Variants in NR3C1 observed in about 807,000 individuals in gnomAD.
The protein encoded by NR3C1 is nuclear receptor subfamily 3 group C member 1.
A neutral mutation model predicts 74.0 loss-of-function variants in NR3C1; 14 were observed. The ratio of observed to expected loss-of-function variants is 0.19; its 90% confidence interval spans 0.12 to 0.30. The LOEUF is 0.30. Ranked by LOEUF, NR3C1 falls within the 10% of genes least tolerant of loss-of-function variation. The pLI is 1.00. For missense variants in NR3C1, 695 were observed against 909.8 expected (o/e 0.76, Z 3.04); for synonymous variants, 308 against 332.5 (o/e 0.93, Z 0.80).
At chr5:143,407,627 T>C (rs1195766831), upstream of NR3C1, among the ~76,000 whole-genome samples, 4 of 152,244 alleles carry the variant, frequency 2.6e-5, no homozygotes, top group Admixed American at 2.6e-4. Context: ...ATGAAGATAA[T>C]ATATGGTCTT....
intron 2 of NR3C1, among the ~76,000 whole-genome samples, chr5:143,367,913 A>C (rs1833542147): frequency 1.3e-5 from 2 of 152,196 alleles, no homozygotes; most frequent in Non-Finnish European, 2.9e-5. Context: ...AATTCATATG[A>C]GTTTGCAACG....
Position 143,425,061 on chromosome 5 carries a change from G to A in NR3C1, c.-14+9471C>T, listed in dbSNP as rs929724125. ...ATGAGGATAGGCATTCAGATCAGTCGGGTAGAATTGAGAGTCCAGAAACCC... is the reference window on the plus strand; with the variant it reads ...ATGAGGATAGGCATTCAGATCAGTCAGGTAGAATTGAGAGTCCAGAAACCC... On this transcript the variant is annotated intron_variant, in intron 1 of 8. Coordinates refer to the NR3C1 transcript ENST00000343796. Among the ~76,000 whole-genome samples, 7 of 152,106 alleles carry A rather than the reference G, an allele frequency of 4.6e-5. No individual in the cohort carries two copies. The East Asian group carries it at 9.6e-4, about 21-fold the overall frequency.
chr5:143,366,735 C>A (rs890553964), intron 2 of NR3C1, among the ~76,000 whole-genome samples: 1 of 152,062 alleles, frequency 6.6e-6, no homozygotes, highest in Non-Finnish European at 1.5e-5. Context: ...AATTCCTCAA[C>A]CAACTGTCAA....
intron 2 of NR3C1, among the ~76,000 whole-genome samples, chr5:143,367,972 ACT>A (rs1488091706): frequency 6.6e-6 from 1 of 152,152 alleles, no homozygotes; most frequent in African/African-American, 2.4e-5. Flanking sequence ...AAGTTGGAAG[ACT>A]CACATTTCCC....
At chr5:143,317,393 G>C (rs900638080) in intron 2 of NR3C1, among the ~76,000 whole-genome samples, 5 of 152,128 alleles carry the variant, frequency 3.3e-5, no homozygotes, top group Admixed American at 1.3e-4. Context: ...ATCTGTAATA[G>C]TTATTGATTG....
At chr5:143,395,589 A>G (rs1315231859) in intron 2 of NR3C1, among the ~76,000 whole-genome samples, 3 of 151,832 alleles carry the variant, frequency 2.0e-5, no homozygotes, top group Admixed American at 1.3e-4. Context: ...GCACAAACCT[A>G]TTTTGCTTAT....
At chr5:143,413,015 T>A (rs1841348068) in intron 1 of NR3C1, among the ~76,000 whole-genome samples, 1 of 152,206 alleles carries the variant, frequency 6.6e-6, no homozygotes, top group Non-Finnish European at 1.5e-5. Flanking sequence ...GAGAATTCCT[T>A]CAACAAAATA....
Position 143,354,940 on chromosome 5 carries a change from G to A in NR3C1, c.1185-40772C>T, listed in dbSNP as rs796892529. ...TCCGTCTCAAAAAAAAAAAAAAAAA[G>A]AAAAAATCAAAGATCACTGATCACT... On this transcript the variant is annotated intron_variant, in intron 2 of 8. Transcript: ENST00000394464. 6.9e-3 allele frequency among the ~76,000 whole-genome samples: 972 copies of A among 140,028 alleles called. 2 individuals carry two copies. The highest frequency in any genetic ancestry group is 0.022 in the East Asian group (105 of 4,790). The allele number at this position is 140,028 out of a possible 152,430, so 91.9% of individuals were successfully genotyped here.
chr5:143,393,053 G>A (rs2151920764), intron 2 of NR3C1, among the ~76,000 whole-genome samples: 1 of 152,236 alleles, frequency 6.6e-6, no homozygotes, highest in East Asian at 1.9e-4. Flanking sequence ...AAACTCTCAA[G>A]TTCTTTTAAG....
intron 2 of NR3C1, among the ~76,000 whole-genome samples, chr5:143,350,331 A>G (rs187415702): frequency 1.3e-5 from 2 of 152,190 alleles, no homozygotes; most frequent in African/African-American, 2.4e-5. Flanking sequence ...AGTTAAGAAT[A>G]TAAGTAGAAG....
intron 7 of NR3C1, among the ~76,000 whole-genome samples, chr5:143,283,345 T>A (rs537590209): frequency 1.3e-5 from 2 of 152,344 alleles, no homozygotes; most frequent in South Asian, 2.1e-4. Flanking sequence ...GTAAATCACT[T>A]GATTTCTCAT....
chr5:143,320,132 T>C (rs1367847010), intron 2 of NR3C1, among the ~76,000 whole-genome samples: 2 of 152,380 alleles, frequency 1.3e-5, no homozygotes, highest in Admixed American at 6.5e-5. Context: ...TGACTGCCCA[T>C]TTATCTCTGC....
intron 1 of NR3C1, among the ~76,000 whole-genome samples, chr5:143,431,825 C>G (rs1031255007): frequency 2.0e-5 from 3 of 152,140 alleles, no homozygotes; most frequent in African/African-American, 7.2e-5. Context: ...AGAATAATAA[C>G]TCTGTAAAAG....
chr5:143,327,840 G>A (rs573423519), intron 2 of NR3C1, among the ~76,000 whole-genome samples: 1 of 152,342 alleles, frequency 6.6e-6, no homozygotes, highest in East Asian at 1.9e-4. Context: ...TACCCCTGTG[G>A]CTTTCACAGG....
chr5:143,410,025 T>C (rs2151954680), intron 1 of NR3C1, among the ~76,000 whole-genome samples: 1 of 152,378 alleles, frequency 6.6e-6, no homozygotes, highest in Middle Eastern at 3.4e-3. Context: ...TATCAGCAGA[T>C]AAATGAGATA....
Position 143,279,202 on chromosome 5 carries a change from C to A in NR3C1, c.*2687G>T. On this transcript the variant is annotated 3_prime_UTR_variant, in exon 9 of 9. Transcript: ENST00000394464. Reference sequence around the variant, plus strand: ...ATAATTAAGATGACTTTCTTTTCCCCCACGTATCCTAAAAGGGCACAGCTT... The same window carrying A: ...ATAATTAAGATGACTTTCTTTTCCCACACGTATCCTAAAAGGGCACAGCTT... 1 of 739,182 alleles carries A rather than the reference C, an allele frequency of 1.4e-6. No individual in the cohort carries two copies. The highest frequency in any genetic ancestry group is 2.1e-6 in the Non-Finnish European group (1 of 472,576). 45.8% of individuals were successfully genotyped at this position (739,182 alleles called of 1,614,324 possible).
intron 2 of NR3C1, among the ~76,000 whole-genome samples, chr5:143,372,036 C>T (rs1218823824): frequency 6.6e-6 from 1 of 152,150 alleles, no homozygotes; most frequent in Non-Finnish European, 1.5e-5. Context: ...ACCTTAAATG[C>T]CTTTTTCCTT....
chr5:143,360,210 G>C (rs1375288518), intron 2 of NR3C1, among the ~76,000 whole-genome samples: 1 of 152,132 alleles, frequency 6.6e-6, no homozygotes, highest in African/African-American at 2.4e-5. Flanking sequence ...GTTTTTCATA[G>C]CACAGTATTT....
At chr5:143,409,781 T>C (rs1477706535) in intron 1 of NR3C1, among the ~76,000 whole-genome samples, 1 of 152,228 alleles carries the variant, frequency 6.6e-6, no homozygotes, top group Non-Finnish European at 1.5e-5. Context: ...TTGGTATTCC[T>C]CGTTGTAATT....
Sources: gnomAD v4.1 joint callset for allele counts (sites outside exome capture counted in the v4.1 genomes callset) on GRCh38, gnomAD v4.1.1 for gene constraint, MANE v1.5 for transcripts, NCBI Gene and HGNC (gene_info 2026-07-23, HGNC 2026-07-21) for gene names.